Variants in GRIN2B observed in about 807,000 individuals in gnomAD.
The protein encoded by GRIN2B is glutamate receptor ionotropic, NMDA 2B.
GRIN2B carries 5 observed loss-of-function variants against 114.5 expected under a neutral mutation model. That is an observed-to-expected ratio of 0.04 (90% CI 0.02 to 0.09). The LOEUF (loss-of-function observed/expected upper bound fraction) is 0.09. GRIN2B is among the 10% of genes least tolerant of loss of function. GRIN2B has a pLI of 1.00. For synonymous variants in GRIN2B, 787 were observed against 745.1 expected (o/e 1.06, Z -0.92); for missense variants, 1,108 against 1,943.5 (o/e 0.57, Z 8.08).
At chr12:13,619,619 A>C (rs10734871) in intron 5 of GRIN2B, among the ~76,000 whole-genome samples, 146,650 of 152,318 alleles carry the variant, frequency 0.96, 70,822 homozygotes, top group East Asian at 1. Context: ...AACCACTGCA[A>C]ACCGATTCTG....
rs114171178 is a variant in GRIN2B, at chr12:13,579,203, G to C, written c.2011-7239C>G. ...CCACGAGCAGCTTATTGTTGCCAGA[G>C]CCTAGCAGGTATGGCCATGGTGACA... On this transcript the variant is annotated intron_variant, in intron 10 of 13. Transcript: ENST00000609686. 2.7e-3 allele frequency among the ~76,000 whole-genome samples: 418 copies of C among 152,352 alleles called. 3 individuals carry two copies. The highest frequency in any genetic ancestry group is 9.5e-3 in the African/African-American group (395 of 41,582).
chr12:13,791,540 G>C (rs2136665286), intron 3 of GRIN2B, among the ~76,000 whole-genome samples: 1 of 152,078 alleles, frequency 6.6e-6, no homozygotes, highest in South Asian at 2.1e-4. Context: ...ATGCACCATG[G>C]ACAGTATGTT....
intron 2 of GRIN2B, among the ~76,000 whole-genome samples, chr12:13,907,955 C>T (rs1424918965): frequency 6.6e-6 from 1 of 152,090 alleles, no homozygotes; most frequent in Non-Finnish European, 1.5e-5. Flanking sequence ...ATTGGAAATG[C>T]ATACAGTATT....
rs1169279450 is a variant in GRIN2B at position 13,552,095 on chromosome 12, A to G, written c.*10688T>C. The G allele has an allele frequency of 6.6e-6, 1 of 152,134 alleles. No individual in the cohort carries two copies. The highest frequency in any genetic ancestry group is 1.9e-4 in the East Asian group (1 of 5,192). The allele number at this position is 152,134 out of a possible 1,614,324, so 9.4% of individuals were successfully genotyped here. On this transcript the variant is annotated 3_prime_UTR_variant, in exon 14 of 14. Coordinates refer to ENST00000609686, the MANE Select transcript of GRIN2B (RefSeq NM_000834.5). ...GTTCTCCTGTCAGATTTCAGAGACT[A>G]TGAATCTCTTACTGCAAGGGGGACA...
intron 3 of GRIN2B, among the ~76,000 whole-genome samples, chr12:13,758,998 ATTTTTTTTTTTTTTT>A (rs5796560): frequency 1.2e-5 from 1 of 85,600 alleles, no homozygotes; most frequent in African/African-American, 4.9e-5. Flanking sequence ...ATCTAGTTCA[ATTTTTTTTTTTTTTT>A]TTTTTTTTTT....
At chr12:13,775,933 C>T (rs905105625) in intron 3 of GRIN2B, among the ~76,000 whole-genome samples, 3 of 152,094 alleles carry the variant, frequency 2.0e-5, no homozygotes, top group African/African-American at 7.2e-5. Flanking sequence ...CGAATATACA[C>T]CCAAAGGAAT....
chr12:13,726,797 G>C (rs1464973889), intron 4 of GRIN2B, among the ~76,000 whole-genome samples: 1 of 151,842 alleles, frequency 6.6e-6, no homozygotes, highest in Non-Finnish European at 1.5e-5. Flanking sequence ...CCAATGTGTA[G>C]TCTTTTATCC....
chr12:13,667,435 T>C (rs1949987783), intron 5 of GRIN2B, among the ~76,000 whole-genome samples: 3 of 152,062 alleles, frequency 2.0e-5, no homozygotes, highest in African/African-American at 2.4e-5. Context: ...TTTAGGGACA[T>C]TGGATACAAA....
chr12:13,610,318 G>A (rs768589115), intron 9 of GRIN2B, among the ~76,000 whole-genome samples: 1 of 152,236 alleles, frequency 6.6e-6, no homozygotes, highest in Non-Finnish European at 1.5e-5. Flanking sequence ...GGTAAAGTGA[G>A]TAATTGTAAG....
At chr12:13,876,960 T>C (rs1270367490) in intron 2 of GRIN2B, among the ~76,000 whole-genome samples, 1 of 152,148 alleles carries the variant, frequency 6.6e-6, no homozygotes, top group Non-Finnish European at 1.5e-5. Flanking sequence ...AAAGGCACTG[T>C]TCTAGGTCTT....
intron 2 of GRIN2B, among the ~76,000 whole-genome samples, chr12:13,919,993 T>A (rs1392170574): frequency 3.3e-5 from 5 of 152,142 alleles, no homozygotes; most frequent in African/African-American, 1.2e-4. Flanking sequence ...TCAGATTTTC[T>A]CCCTTCTGTC....
At chr12:13,759,073 T>C (rs1591715650) in intron 3 of GRIN2B, among the ~76,000 whole-genome samples, 1 of 145,530 alleles carries the variant, frequency 6.9e-6, no homozygotes, top group Admixed American at 7.3e-5. Context: ...AGTGGCATGA[T>C]CTTGGCTCAC....
At position 13,538,834 on chromosome 12, in the gene GRIN2B, AAAAC is replaced by A. The variant is rs1257184726; in HGVS notation, c.*23945_*23948del. On this transcript the variant is annotated 3_prime_UTR_variant, in exon 14 of 14. Transcript: ENST00000609686. ...TCTTAAAAAACAAACAAACAAAAAAAAAACAAACAAAAAAACAAAAACAACAGAA... is the reference window on the plus strand; with the variant it reads ...TCTTAAAAAACAAACAAACAAAAAAAAAACAAAAAAACAAAAACAACAGAA... The A allele has an allele frequency of 2.7e-5, 4 of 150,564 alleles. No individual in the cohort carries two copies. Among genetic ancestry groups the A allele is most frequent in the South Asian group, 2.1e-4 (1 of 4,734 alleles). 9.3% of individuals were successfully genotyped at this position (150,564 alleles called of 1,614,324 possible). A position where few individuals can be genotyped will look rare whatever the true frequency, so the allele number is the denominator to read the frequency against.
At chr12:13,707,087 T>A (rs953243951) in intron 4 of GRIN2B, among the ~76,000 whole-genome samples, 1 of 152,154 alleles carries the variant, frequency 6.6e-6, no homozygotes, top group Middle Eastern at 3.4e-3. Context: ...GCATGAATGG[T>A]AAAAAACACA....
At chr12:13,634,790 G>T (rs1591651873) in intron 5 of GRIN2B, among the ~76,000 whole-genome samples, 1 of 152,182 alleles carries the variant, frequency 6.6e-6, no homozygotes, top group Non-Finnish European at 1.5e-5. Flanking sequence ...CACATGTGTT[G>T]TTTCATTGTT....
Position 13,834,020 on chromosome 12 carries a change from CTTTTTTTTTTT to C in GRIN2B, c.411+31767_411+31777del, listed in dbSNP as rs71067731. Among the ~76,000 whole-genome samples, 31 of 72,588 alleles carry C rather than the reference CTTTTTTTTTTT, an allele frequency of 4.3e-4. 1 individual carries two copies. Among genetic ancestry groups the C allele is most frequent in the Non-Finnish European group, 5.3e-4 (22 of 41,186 alleles). 47.6% of individuals were successfully genotyped at this position (72,588 alleles called of 152,430 possible). ...AACACAGTAGTCTCTTTGCTAACTT[CTTTTTTTTTTT>C]TTTTTTTTTTTTTTTTTGAGACGGA... On this transcript the variant is annotated intron_variant, in intron 3 of 13. Coordinates refer to ENST00000609686, the MANE Select transcript of GRIN2B (RefSeq NM_000834.5).
intron 3 of GRIN2B, among the ~76,000 whole-genome samples, chr12:13,864,407 G>A (rs903495078): frequency 1.3e-5 from 2 of 152,194 alleles, no homozygotes; most frequent in African/African-American, 2.4e-5. Flanking sequence ...TTATTAACCC[G>A]AAAGCATGTC....
intron 3 of GRIN2B, among the ~76,000 whole-genome samples, chr12:13,779,236 G>A (rs1864061679): frequency 1.3e-5 from 2 of 152,044 alleles, no homozygotes; most frequent in South Asian, 4.1e-4. Flanking sequence ...TAGAGACGGA[G>A]TTTCACCACG....
At chr12:13,746,818 T>A (rs1376889031) in intron 4 of GRIN2B, among the ~76,000 whole-genome samples, 1 of 152,176 alleles carries the variant, frequency 6.6e-6, no homozygotes, top group Non-Finnish European at 1.5e-5. Flanking sequence ...TTGAAGAGAC[T>A]GGCACTTCCT....
Sources: gnomAD v4.1 joint callset for allele counts (sites outside exome capture counted in the v4.1 genomes callset) on GRCh38, gnomAD v4.1.1 for gene constraint, MANE v1.5 for transcripts, NCBI Gene and HGNC (gene_info 2026-07-23, HGNC 2026-07-21) for gene names.